ATCAY: variants seen among roughly 807,000 people sequenced by gnomAD.
ATCAY encodes ATCAY kinesin light chain interacting caytaxin.
Under a neutral mutation model 47.7 loss-of-function variants are expected in ATCAY, and 22 were observed. The ratio of observed to expected loss-of-function variants is 0.46; its 90% CI spans 0.33 to 0.66. The LOEUF (loss-of-function observed/expected upper bound fraction) is 0.66, where lower values mean the gene tolerates loss of function less well. Ranked by LOEUF, ATCAY falls within the 30% of genes least tolerant of loss-of-function variation. The probability of loss-of-function intolerance (pLI) is 0.02; values close to 1 mark genes in which losing one functional copy is unlikely to be tolerated. For synonymous variants in ATCAY, 216 were observed against 207.6 expected (o/e 1.04, Z -0.35); for missense variants, 452 against 515.0 (o/e 0.88, Z 1.18).
intron 8 of ATCAY, 25 bp downstream of exon 8, chr19:3,910,914 A>C: frequency 6.2e-7 from 1 of 1,612,540 alleles, no homozygotes; most frequent in Middle Eastern, 1.6e-4. Flanking sequence ...CTGCAACCCA[A>C]GTCCAGTGGC....
At chr19:3,885,602 GAGGGGGAGGGGA>G (rs1035163858) in intron 1 of ATCAY, 113 bp from the exon 2 acceptor site, 16 of 589,912 alleles carry the variant, frequency 2.7e-5, no homozygotes, top group Admixed American at 5.6e-5. Flanking sequence ...AGAAAGGAGA[GAGGGGGAGGGGA>G]AGGGGGAGGG....
chr19:3,917,457 G>A (rs1005130679), intron 9 of ATCAY, among the ~76,000 whole-genome samples: 7 of 151,436 alleles, frequency 4.6e-5, no homozygotes, highest in Admixed American at 3.3e-4. Flanking sequence ...GGTAGCAGGT[G>A]CCTGTAAGTC....
intron 2 of ATCAY, among the ~76,000 whole-genome samples, chr19:3,890,021 T>A (rs1457055428): frequency 6.6e-6 from 1 of 151,406 alleles, no homozygotes; most frequent in Non-Finnish European, 1.5e-5. Context: ...CTCAGCTCAC[T>A]GCAACCTCCA....
At chr19:3,893,811 G>C (rs1397587984) in intron 2 of ATCAY, 1 of 152,438 alleles carries the variant, frequency 6.6e-6, no homozygotes, top group African/African-American at 2.4e-5. Flanking sequence ...TCAGCCTCAG[G>C]ACCTCATCCC....
intron 9 of ATCAY, among the ~76,000 whole-genome samples, chr19:3,914,379 C>T (rs1031103911): frequency 5.3e-5 from 8 of 151,930 alleles, no homozygotes; most frequent in Non-Finnish European, 1.2e-4. Context: ...CTTTATAAAA[C>T]CATCAGATCT....
chr19:3,900,140 T>G (rs2038803854), intron 2 of ATCAY, among the ~76,000 whole-genome samples: 1 of 152,032 alleles, frequency 6.6e-6, no homozygotes, highest in South Asian at 2.1e-4. Context: ...CCAAAGTCCA[T>G]GCTTTTTTAG....
At chr19:3,913,714 C>A (rs1222544775) in intron 8 of ATCAY, 44 bp from the exon 9 acceptor site, 1 of 1,518,354 alleles carries the variant, frequency 6.6e-7, no homozygotes. Flanking sequence ...ACCCCCACCC[C>A]ATGGGTTGCA....
intron 10 of ATCAY, 63 bp downstream of exon 10, chr19:3,917,840 C>T: frequency 6.4e-7 from 1 of 1,565,894 alleles, no homozygotes; most frequent in Non-Finnish European, 8.7e-7. Context: ...GCTGAACTCT[C>T]AGTTAGGGCA....
chr19:3,911,912 C>G (rs983251520), intron 8 of ATCAY, among the ~76,000 whole-genome samples: 2 of 152,118 alleles, frequency 1.3e-5, no homozygotes, highest in Non-Finnish European at 2.9e-5. Flanking sequence ...TGCTAAGTAC[C>G]CTGAAGGGGC....
In ATCAY at chr19:3,885,112, A is replaced by T. The variant is rs1156815997; in HGVS notation, c.-41-615A>T. On this transcript the variant is annotated intron_variant, in intron 1 of 12. Coordinates refer to ENST00000450849, the MANE Select transcript of ATCAY (RefSeq NM_033064.5). ...AGCAAGATCATGTTTTTTTTTTTAA[A>T]AAAAAAAAAAAAAAAAAAAAAAACA... Among the ~76,000 whole-genome samples the T allele has an allele frequency of 6.1e-3, 878 of 142,916 alleles. 8 individuals carry two copies. Among genetic ancestry groups the T allele is most frequent in the East Asian group, 0.028 (131 of 4,718 alleles). The allele number at this position is 142,916 out of a possible 152,430, so 93.8% of individuals were successfully genotyped here. A position where few individuals can be genotyped will look rare whatever the true frequency, so the allele number is the denominator to read the frequency against.
intron 2 of ATCAY, among the ~76,000 whole-genome samples, chr19:3,888,319 T>A (rs1453319525): frequency 6.6e-6 from 1 of 151,946 alleles, no homozygotes; most frequent in East Asian, 1.9e-4. Context: ...GTGTTCCGCC[T>A]GAAAAAGAGA....
In ATCAY at chr19:3,895,716, C is replaced by CTT. The variant is rs537910730; in HGVS notation, c.78-6754_78-6753dup. Among the ~76,000 whole-genome samples the CTT allele has an allele frequency of 5.6e-4, 73 of 129,640 alleles. 1 individual carries two copies. The highest frequency in any genetic ancestry group is 2.8e-3 in the South Asian group (11 of 3,936). 85.0% of individuals were successfully genotyped at this position (129,640 alleles called of 152,430 possible). On this transcript the variant is annotated intron_variant, in intron 2 of 12. Coordinates refer to ENST00000450849, the MANE Select transcript of ATCAY (RefSeq NM_033064.5). ...TTTCTTTTTTTCTTTCTTTTCTTTT[C>CTT]TTTTTTTTTTTTTTTTTTGATAGAC...
chr19:3,920,852 C>CAAAAGAAGGAATTGTAAGAAG, intron 12 of ATCAY, 54 bp downstream of exon 12: 3 of 1,598,234 alleles, frequency 1.9e-6, no homozygotes, highest in Non-Finnish European at 2.6e-6. Context: ...CCTTCATGGA[C>CAAAAGAAGGAATTGTAAGAAG]CTGTATTAGT....
rs574905060 is a variant in ATCAY at position 3,894,608 on chromosome 19, G to A, written c.78-7879G>A. ...ATTTGAGACCAGCCTGGGCAACATG[G>A]CGAGACCCTGTGTCTGCAAAAAAAA... On this transcript the variant is annotated intron_variant, in intron 2 of 12. Coordinates refer to ENST00000450849, the MANE Select transcript of ATCAY (RefSeq NM_033064.5). 6.5e-4 allele frequency among the ~76,000 whole-genome samples: 94 copies of A among 144,264 alleles called. 2 individuals carry two copies. The South Asian group carries it at 0.012, about 18-fold the overall frequency. 94.6% of individuals were successfully genotyped at this position (144,264 alleles called of 152,430 possible).
chr19:3,902,442 C>G, intron 2 of ATCAY, 45 bp from the exon 3 acceptor site: 1 of 1,548,350 alleles, frequency 6.5e-7, no homozygotes, highest in Non-Finnish European at 8.7e-7. Flanking sequence ...CTGCCTGAAT[C>G]TCTGGTGCCC....
intron 9 of ATCAY, 131 bp from the exon 10 acceptor site, chr19:3,917,607 AAAAG>A: frequency 3.4e-6 from 3 of 886,166 alleles, no homozygotes; most frequent in Non-Finnish European, 5.0e-6. Flanking sequence ...AAAAAAAAAA[AAAAG>A]GAAGAAGAAG....
At chr19:3,885,661 T>C in intron 1 of ATCAY, 66 bp from the exon 2 acceptor site, 1 of 823,104 alleles carries the variant, frequency 1.2e-6, no homozygotes, top group Non-Finnish European at 1.9e-6. Context: ...AAGAGCTGCA[T>C]GGGGTAGACG....
intron 8 of ATCAY, among the ~76,000 whole-genome samples, chr19:3,911,488 C>T (rs1400876008): frequency 1.3e-5 from 2 of 151,896 alleles, no homozygotes; most frequent in Non-Finnish European, 2.9e-5. Context: ...CACTCCACTG[C>T]ACTCCAGCCT....
chr19:3,917,611 G>T, intron 9 of ATCAY, 131 bp from the exon 10 acceptor site: 2 of 481,226 alleles, frequency 4.2e-6, no homozygotes, highest in Non-Finnish European at 6.6e-6. Context: ...AAAAAAAAAA[G>T]GAAGAAGAAG....
Sources: allele counts gnomAD v4.1 joint callset (sites outside exome capture counted in the v4.1 genomes callset), GRCh38; gene constraint gnomAD v4.1.1; transcripts MANE v1.5; gene names NCBI Gene and HGNC (gene_info 2026-07-23, HGNC 2026-07-21).